Variants in MACROD2 observed in about 807,000 individuals in gnomAD.
MACROD2 encodes the protein mono-ADP ribosylhydrolase 2, also known as ADP-ribose glycohydrolase MACROD2.
MACROD2 carries 36 observed loss-of-function variants against 70.4 expected under a neutral mutation model. That is an observed-to-expected ratio of 0.51 (90% CI 0.39 to 0.68). The LOEUF is 0.68. Among genes scored for constraint, MACROD2 ranks in the 30% least tolerant of loss-of-function variants. MACROD2 has a pLI of 0.00. For synonymous variants in MACROD2, 172 were observed against 178.8 expected (o/e 0.96, Z 0.30); for missense variants, 496 against 538.4 (o/e 0.92, Z 0.78).
intron 8 of MACROD2, among the ~76,000 whole-genome samples, chr20:15,779,647 T>C (rs2051796227): frequency 6.6e-6 from 1 of 152,162 alleles, no homozygotes; most frequent in Admixed American, 6.5e-5. Context: ...TGTTTCTTTG[T>C]TTGTGTGTTT....
At chr20:14,935,226 G>T (rs1490015048) in intron 5 of MACROD2, 1 of 151,928 alleles carries the variant, frequency 6.6e-6, no homozygotes, top group Non-Finnish European at 1.5e-5. Flanking sequence ...ATTAACTCAG[G>T]TTCTTCAATA....
chr20:15,652,259 A>G (rs926915873), intron 8 of MACROD2, among the ~76,000 whole-genome samples: 1 of 152,194 alleles, frequency 6.6e-6, no homozygotes, highest in Non-Finnish European at 1.5e-5. Context: ...GCTTTAATAA[A>G]TTCCAAATAT....
intron 2 of MACROD2, among the ~76,000 whole-genome samples, chr20:14,038,295 CAA>C (rs56831426): frequency 5.7e-5 from 8 of 139,254 alleles, no homozygotes; most frequent in Non-Finnish European, 1.1e-4. Flanking sequence ...GACTCCGTCT[CAA>C]AAAAAAAAAA....
intron 8 of MACROD2, among the ~76,000 whole-genome samples, chr20:15,659,415 A>G (rs975487218): frequency 7.5e-6 from 1 of 132,986 alleles, no homozygotes; most frequent in African/African-American, 2.8e-5. Context: ...CTATCTCACC[A>G]TCTTTGTCTT....
intron 5 of MACROD2, chr20:14,884,547 A>G (rs1369188760): frequency 6.6e-6 from 1 of 152,176 alleles, no homozygotes; most frequent in Non-Finnish European, 1.5e-5. Flanking sequence ...TTTGTTGGAC[A>G]AAGAAGTCAC....
intron 6 of MACROD2, among the ~76,000 whole-genome samples, chr20:15,347,272 G>T (rs2078177117): frequency 6.6e-6 from 1 of 152,102 alleles, no homozygotes; most frequent in African/African-American, 2.4e-5. Context: ...ACATAGCAAA[G>T]GATTCTGCTG....
intron 8 of MACROD2, among the ~76,000 whole-genome samples, chr20:15,500,217 T>C (rs1021216613): frequency 5.3e-5 from 8 of 152,210 alleles, no homozygotes; most frequent in Non-Finnish European, 1.2e-4. Flanking sequence ...TTGAGGTTCC[T>C]GGTGTACAGT....
chr20:15,733,707 G>A (rs1039853895), intron 8 of MACROD2, among the ~76,000 whole-genome samples: 1 of 152,178 alleles, frequency 6.6e-6, no homozygotes, highest in Non-Finnish European at 1.5e-5. Context: ...CAGTCCACCT[G>A]TAACCCTACA....
chr20:14,614,520 G>A (rs944432737), intron 4 of MACROD2, among the ~76,000 whole-genome samples: 2 of 152,142 alleles, frequency 1.3e-5, no homozygotes, highest in Non-Finnish European at 2.9e-5. Flanking sequence ...GTAAATGGCT[G>A]TAATTATCCT....
chr20:14,349,277 C>T (rs1017596962), intron 3 of MACROD2, among the ~76,000 whole-genome samples: 6 of 146,874 alleles, frequency 4.1e-5, no homozygotes, highest in African/African-American at 1.5e-4. Flanking sequence ...TTTGTGGGTA[C>T]ATACTAGGTA....
chr20:14,927,377 C>G (rs1416931719), intron 5 of MACROD2, among the ~76,000 whole-genome samples: 1 of 152,180 alleles, frequency 6.6e-6, no homozygotes, highest in Non-Finnish European at 1.5e-5. Context: ...CCAGCCTCAA[C>G]ACTAGACTGT....
At chr20:14,511,224 A>C (rs1485569374) in intron 4 of MACROD2, among the ~76,000 whole-genome samples, 1 of 152,078 alleles carries the variant, frequency 6.6e-6, no homozygotes, top group South Asian at 2.1e-4. Flanking sequence ...TTTTTGAGTA[A>C]GAAAACATGT....
At chr20:15,845,910 T>C (rs2064225714) in intron 8 of MACROD2, among the ~76,000 whole-genome samples, 1 of 152,184 alleles carries the variant, frequency 6.6e-6, no homozygotes, top group Non-Finnish European at 1.5e-5. Flanking sequence ...ACCAATGAAA[T>C]TTAAGCCTAT....
chr20:14,373,992 T>C lies in MACROD2; in HGVS notation c.272-119487T>C, dbSNP rs553506908. ...TCTTCTGTGTAAAAAGAGATAATTT[T>C]ATCATCTTATCACTTTATCTCTAAC... On this transcript the variant is annotated intron_variant, in intron 3 of 17. Coordinates refer to ENST00000684519, the MANE Select transcript of MACROD2 (RefSeq NM_001351661.2). 2.0e-5 allele frequency among the ~76,000 whole-genome samples: 3 copies of C among 152,308 alleles called. No homozygotes were observed. The South Asian group carries it at 6.2e-4, about 32-fold the overall frequency.
intron 5 of MACROD2, among the ~76,000 whole-genome samples, chr20:15,056,988 G>C (rs935411118): frequency 2.0e-5 from 3 of 152,132 alleles, no homozygotes; most frequent in Non-Finnish European, 4.4e-5. Context: ...GTGGTTACCT[G>C]ACCAACCCGA....
intron 3 of MACROD2, among the ~76,000 whole-genome samples, chr20:14,387,451 A>G (rs998629488): frequency 1.3e-5 from 2 of 152,216 alleles, no homozygotes; most frequent in Non-Finnish European, 2.9e-5. Context: ...GTGATCCTAC[A>G]GAGAATTCCT....
chr20:14,044,733 T>C (rs1228042474), intron 2 of MACROD2, among the ~76,000 whole-genome samples: 1 of 152,200 alleles, frequency 6.6e-6, no homozygotes, highest in Admixed American at 6.5e-5. Context: ...ATTCTTCAAG[T>C]CACCACCAGA....
intron 6 of MACROD2, among the ~76,000 whole-genome samples, chr20:15,300,766 C>T (rs188189492): frequency 4.6e-5 from 7 of 152,232 alleles, no homozygotes; most frequent in Admixed American, 4.6e-4. Flanking sequence ...TAAGGCTGGT[C>T]AATGATAAAC....
intron 3 of MACROD2, among the ~76,000 whole-genome samples, chr20:14,294,045 C>T (rs1344497333): frequency 2.0e-5 from 3 of 151,742 alleles, no homozygotes; most frequent in Non-Finnish European, 4.4e-5. Context: ...GGAAGCCCAT[C>T]AGATTAATGA....
Sources: gnomAD v4.1 joint callset for allele counts (sites outside exome capture counted in the v4.1 genomes callset) on GRCh38, gnomAD v4.1.1 for gene constraint, MANE v1.5 for transcripts, NCBI Gene and HGNC (gene_info 2026-07-23, HGNC 2026-07-21) for gene names.